The following MAST2 variants were observed in gnomAD, a reference collection of about 807,000 sequenced individuals.
MAST2 encodes the protein microtubule associated serine/threonine kinase 2, also known as microtubule-associated serine/threonine-protein kinase 2.
Under a neutral mutation model 147.4 loss-of-function variants are expected in MAST2, and 70 were observed. The observed-to-expected ratio is 0.47, with a 90% CI of 0.39 to 0.58. The LOEUF (loss-of-function observed/expected upper bound fraction) is 0.58, where lower values mean the gene tolerates loss of function less well. Among genes scored for constraint, MAST2 ranks in the 20% least tolerant of loss-of-function variants. The probability of loss-of-function intolerance (pLI) is 0.00; values close to 1 mark genes in which losing one functional copy is unlikely to be tolerated. For missense variants in MAST2, 2,080 were observed against 2,302.3 expected, an observed-to-expected ratio of 0.90 and a Z score of 1.98; for synonymous variants, 869 against 896.8, an observed-to-expected ratio of 0.97 and a Z score of 0.55.
intron 4 of MAST2, among the ~76,000 whole-genome samples, chr1:45,940,107 C>T (rs1296490376): frequency 6.6e-6 from 1 of 151,554 alleles, no homozygotes; most frequent in African/African-American, 2.4e-5. Context: ...ATTCTCCTGC[C>T]TGAGCCTCCC....
chr1:45,973,745 A>G (rs1463281105), intron 5 of MAST2, among the ~76,000 whole-genome samples: 1 of 152,180 alleles, frequency 6.6e-6, no homozygotes, highest in East Asian at 1.9e-4. Context: ...TGTCCTGGAA[A>G]CCACATAAAA....
At chr1:45,967,026 C>T (rs1203866158) in intron 5 of MAST2, among the ~76,000 whole-genome samples, 9 of 151,846 alleles carry the variant, frequency 5.9e-5, no homozygotes, top group Admixed American at 2.0e-4. Context: ...CAATTCCTGG[C>T]GGAGCACGAT....
chr1:45,848,227 A>G (rs1410850483), intron 3 of MAST2, among the ~76,000 whole-genome samples: 6 of 152,236 alleles, frequency 3.9e-5, no homozygotes, highest in Admixed American at 1.3e-4. Flanking sequence ...ATCCTTAGAA[A>G]GGCTTGTGCG....
chr1:45,863,637 GT>G (rs1271363290), intron 3 of MAST2, among the ~76,000 whole-genome samples: 1 of 152,328 alleles, frequency 6.6e-6, no homozygotes, highest in East Asian at 1.9e-4. Flanking sequence ...GCCCTAGACT[GT>G]TGGTTGCAGC....
At chr1:46,029,676 C>T in intron 19 of MAST2, 109 bp downstream of exon 19, 1 of 1,366,150 alleles carries the variant, frequency 7.3e-7, no homozygotes, top group Non-Finnish European at 1.0e-6. Context: ...CCTCTGGATC[C>T]TGAAACTCTG....
intron 5 of MAST2, among the ~76,000 whole-genome samples, chr1:45,991,131 A>G (rs1054955231): frequency 6.6e-6 from 1 of 152,176 alleles, no homozygotes; most frequent in African/African-American, 2.4e-5. Flanking sequence ...TTCCAGCACC[A>G]TTCGTCAATG....
chr1:45,817,234 G>A (rs918452997), intron 1 of MAST2, among the ~76,000 whole-genome samples: 24 of 152,128 alleles, frequency 1.6e-4, no homozygotes, highest in Admixed American at 3.9e-4. Context: ...TAAGGTTCTA[G>A]AATGCCAAGC....
intron 6 of MAST2, among the ~76,000 whole-genome samples, chr1:46,001,722 T>C (rs964545057): frequency 6.6e-6 from 1 of 152,098 alleles, no homozygotes; most frequent in African/African-American, 2.4e-5. Context: ...AGCTGCTAGG[T>C]ATTGGTGAGG....
rs562147711 is a variant in MAST2, at chr1:45,877,572, T to C, written c.469-4792T>C. Among the ~76,000 whole-genome samples, 51 of 152,250 alleles carry C rather than the reference T, an allele frequency of 3.3e-4. No individual in the cohort carries two copies. The South Asian group carries it at 0.01, about 30-fold the overall frequency. On this transcript the variant is annotated intron_variant, in intron 3 of 28. Transcript: ENST00000361297. ...GGATAGTATAAGTATGAAGTCAAAA[T>C]TGGACAAGAACAATTTGAGACGAGA...
rs1327499096 is a variant in MAST2, at chr1:46,022,944, C to G, written c.1458C>G (p.Asp486Glu). 2 of 1,614,194 alleles carry G rather than the reference C, an allele frequency of 1.2e-6. No individual in the cohort carries two copies. Among genetic ancestry groups the G allele is most frequent in the Middle Eastern group, 1.6e-4 (1 of 6,062 alleles). The change falls in exon 13 of 29, where the codon GAC becomes GAG. Residue 486 changes from aspartate to glutamate, a missense_variant. By Grantham distance (45) the Asp-to-Glu change is conservative (BLOSUM62 2). Transcript: ENST00000361297. ...AGTTGAGCAGCTGTGACAGTCCTGA[C>G]ACTCCAGAGACAGATGATTCTATTG... The part of the protein sequence containing the change: ...MAQLSSCDSP[D>E]TPETDDSIEG...
intron 4 of MAST2, among the ~76,000 whole-genome samples, chr1:45,908,849 G>T (rs1281886304): frequency 6.6e-6 from 1 of 152,096 alleles, no homozygotes; most frequent in Non-Finnish European, 1.5e-5. Flanking sequence ...GCTGAGGAGG[G>T]AGCAGCCTGA....
intron 5 of MAST2, among the ~76,000 whole-genome samples, chr1:45,996,213 C>A (rs1285018237): frequency 6.6e-6 from 1 of 151,814 alleles, no homozygotes; most frequent in African/African-American, 2.4e-5. Flanking sequence ...GAAGGCTGGT[C>A]ATTGTAGGAT....
intron 4 of MAST2, among the ~76,000 whole-genome samples, chr1:45,931,377 GTTTTTTT>G (rs71587091): frequency 5.9e-5 from 6 of 101,206 alleles, no homozygotes; most frequent in East Asian, 3.2e-4. Flanking sequence ...ATTGTGTTCT[GTTTTTTT>G]TTTTTTTTTT....
At chr1:46,012,549 C>A (rs1355315581) in intron 10 of MAST2, among the ~76,000 whole-genome samples, 1 of 152,170 alleles carries the variant, frequency 6.6e-6, no homozygotes, top group Non-Finnish European at 1.5e-5. Context: ...TATGAATTCT[C>A]TCACTTCCAC....
At chr1:45,881,710 A>G (rs1345475134) in intron 3 of MAST2, among the ~76,000 whole-genome samples, 1 of 152,020 alleles carries the variant, frequency 6.6e-6, no homozygotes, top group Non-Finnish European at 1.5e-5. Context: ...CTTGCCACTA[A>G]TGCCCTTTAC....
intron 5 of MAST2, among the ~76,000 whole-genome samples, chr1:45,978,058 AAAAAAC>A (rs1011876604): frequency 6.6e-6 from 1 of 152,088 alleles, no homozygotes. Context: ...TCTTATATTT[AAAAAAC>A]AAAAACAAAA....
chr1:45,905,047 G>T (rs1650446711), intron 4 of MAST2, among the ~76,000 whole-genome samples: 1 of 152,142 alleles, frequency 6.6e-6, no homozygotes, highest in Non-Finnish European at 1.5e-5. Flanking sequence ...CTGAGCTCAA[G>T]TGATCCTCCT....
chr1:45,893,602 A>G (rs1471511828), intron 4 of MAST2, among the ~76,000 whole-genome samples: 1 of 149,226 alleles, frequency 6.7e-6, no homozygotes, highest in African/African-American at 2.5e-5. Context: ...GATATTTTAA[A>G]AAAAAAAAAA....
chr1:45,834,255 C>T (rs926419547), intron 3 of MAST2, among the ~76,000 whole-genome samples: 2 of 151,944 alleles, frequency 1.3e-5, no homozygotes, highest in Middle Eastern at 3.2e-3. Flanking sequence ...TAAATAGTAA[C>T]AAAAGGGGGC....
Sources: allele counts gnomAD v4.1 joint callset (sites outside exome capture counted in the v4.1 genomes callset), GRCh38; gene constraint gnomAD v4.1.1; transcripts MANE v1.5; gene names NCBI Gene and HGNC (gene_info 2026-07-23, HGNC 2026-07-21).